The following MYO1H variants were observed in gnomAD, a reference collection of about 807,000 sequenced individuals.
The protein encoded by MYO1H is unconventional myosin-Ih.
Under a neutral mutation model 149.3 loss-of-function variants are expected in MYO1H, and 118 were observed. The observed-to-expected ratio is 0.79, with a 90% CI of 0.68 to 0.92. The LOEUF (loss-of-function observed/expected upper bound fraction) is 0.92. Among genes scored for constraint, MYO1H ranks in the 40% least tolerant of loss-of-function variants. The pLI, the probability that MYO1H is intolerant of heterozygous loss-of-function variation, is 0.00. For synonymous variants in MYO1H, 447 were observed against 465.2 expected, an observed-to-expected ratio of 0.96 and a Z score of 0.50; for missense variants, 1,212 against 1,280.7, an observed-to-expected ratio of 0.95 and a Z score of 0.82.
intron 2 of MYO1H, among the ~76,000 whole-genome samples, chr12:109,389,448 A>G (rs1373041578): frequency 6.6e-6 from 1 of 152,152 alleles, no homozygotes; most frequent in Non-Finnish European, 1.5e-5. Flanking sequence ...CGGTATAGGC[A>G]GAGAGCTGGG....
At chr12:109,345,812 T>G (rs577691915), upstream of MYO1H, among the ~76,000 whole-genome samples, 1 of 152,268 alleles carries the variant, frequency 6.6e-6, no homozygotes, top group Non-Finnish European at 1.5e-5. Context: ...TGGATGAAAC[T>G]TGAAGACACA....
chr12:109,355,595 T>G (rs1054214377), intron 1 of MYO1H, among the ~76,000 whole-genome samples: 2 of 152,210 alleles, frequency 1.3e-5, no homozygotes, highest in East Asian at 3.8e-4. Context: ...ACCAGGATGC[T>G]AAAGTTTGCA....
At position 109,418,790 on chromosome 12, in the gene MYO1H, C is replaced by T. The variant is rs570401161; in HGVS notation, c.1598-2191C>T. 2.4e-4 allele frequency among the ~76,000 whole-genome samples: 36 copies of T among 152,248 alleles called. No individual in the cohort carries two copies. In the South Asian group the frequency reaches 7.5e-3, roughly 32 times the overall value. On this transcript the variant is annotated intron_variant, in intron 15 of 31. Transcript: ENST00000310903. The stretch of plus-strand genomic sequence containing the variant: ...CGATCTCCTGACCTCGTGATCCACC[C>T]GCCTCAGCCTCTCAAAGTGCTGGGA...
chr12:109,375,391 G>A (rs572203591), intron 1 of MYO1H, among the ~76,000 whole-genome samples: 2 of 152,130 alleles, frequency 1.3e-5, no homozygotes, highest in South Asian at 2.1e-4. Context: ...GGCCTCAAGC[G>A]ATCTGCCCAC....
At chr12:109,387,536 T>C (rs1371222679) in intron 1 of MYO1H, among the ~76,000 whole-genome samples, 2 of 152,224 alleles carry the variant, frequency 1.3e-5, no homozygotes, top group Non-Finnish European at 2.9e-5. Flanking sequence ...GTGAACACAA[T>C]GTCATTTTTG....
chr12:109,334,005 ATTAT>A, the MYO1H span, among the ~76,000 whole-genome samples: 2 of 151,290 alleles, frequency 1.3e-5, no homozygotes, highest in South Asian at 4.2e-4. Flanking sequence ...TTATGTACTC[ATTAT>A]TTACTTATTT....
upstream of MYO1H, among the ~76,000 whole-genome samples, chr12:109,344,031 G>A (rs1015912309): frequency 3.9e-5 from 6 of 152,094 alleles, no homozygotes; most frequent in Non-Finnish European, 7.4e-5. Flanking sequence ...TCCTTGTTAA[G>A]GATGACCTTG....
At chr12:109,429,346 G>A (rs946512826) in intron 19 of MYO1H, among the ~76,000 whole-genome samples, 3 of 152,114 alleles carry the variant, frequency 2.0e-5, no homozygotes, top group East Asian at 1.9e-4. Flanking sequence ...TAACAAAGAC[G>A]TAAAGTTGGC....
chr12:109,345,120 TAA>T (rs1417153278), upstream of MYO1H, among the ~76,000 whole-genome samples: 1 of 152,186 alleles, frequency 6.6e-6, no homozygotes, highest in African/African-American at 2.4e-5. Flanking sequence ...CATCAAAGTT[TAA>T]GTCTTTTGTG....
intron 15 of MYO1H, among the ~76,000 whole-genome samples, chr12:109,418,112 G>A (rs1047947121): frequency 2.6e-5 from 4 of 151,630 alleles, no homozygotes; most frequent in South Asian, 2.1e-4. Context: ...CACCGCGCCC[G>A]GCCTAAGATT....
chr12:109,327,134 CTT>C, the MYO1H span, among the ~76,000 whole-genome samples: 4 of 94,738 alleles, frequency 4.2e-5, no homozygotes, highest in East Asian at 3.4e-4. Flanking sequence ...TTTTCTTTTT[CTT>C]TTTTTTTTTT....
upstream of MYO1H, chr12:109,347,775 A>T: frequency 2.6e-6 from 1 of 391,708 alleles, no homozygotes; most frequent in East Asian, 3.6e-5. Flanking sequence ...CTACATGTAG[A>T]CGGCCATAAG....
At chr12:109,441,014 A>G (rs1266257893) in intron 25 of MYO1H, among the ~76,000 whole-genome samples, 187 bp downstream of exon 25, 17 of 152,202 alleles carry the variant, frequency 1.1e-4, no homozygotes, top group Admixed American at 1.1e-3. Context: ...CTGTTACTGT[A>G]ATCAGCATGG....
At chr12:109,438,495 G>A (rs746728661) in intron 22 of MYO1H, 41 bp from the exon 23 acceptor site, 55 of 1,507,092 alleles carry the variant, frequency 3.6e-5, no homozygotes, top group South Asian at 1.5e-4. Context: ...ATTTCCATAC[G>A]ATTGTGCTCA....
At position 109,444,459 on chromosome 12, in the gene MYO1H, G is replaced by C. The variant is rs374677173; in HGVS notation, c.2923G>C (p.Val975Leu). ...GGATGCCGTTTTGCAGTGTGGACAC[G>C]TGTTTGAAGCAGTTACTAAACTCGT... is the stretch of plus-strand genomic sequence containing the variant. The change falls in exon 30 of 32, where the codon GTG (valine) becomes CTG (leucine). Residue 975 changes from valine (V) to leucine (L), a missense_variant. Physicochemically the swap from Val to Leu is conservative, Grantham distance 32. Transcript: ENST00000310903. The C allele has an allele frequency of 1.4e-5, 23 of 1,613,794 alleles. No individual in the cohort carries two copies. In the South Asian group the frequency reaches 1.8e-4, roughly 12 times the overall value.
chr12:109,348,959 C>A (rs1410495259), intron 1 of MYO1H, among the ~76,000 whole-genome samples: 2 of 152,232 alleles, frequency 1.3e-5, no homozygotes, highest in Admixed American at 1.3e-4. Flanking sequence ...GCACTGAATA[C>A]TGTCACCTTG....
chr12:109,434,968 G>T, intron 20 of MYO1H, 69 bp from the exon 21 acceptor site: 1 of 876,404 alleles, frequency 1.1e-6, no homozygotes, highest in East Asian at 2.5e-5. Context: ...TTTTTGAAGG[G>T]GGCACCGTTC....
chr12:109,433,191 G>A (rs1871714561), intron 20 of MYO1H, among the ~76,000 whole-genome samples, 181 bp downstream of exon 20: 2 of 152,178 alleles, frequency 1.3e-5, no homozygotes, highest in Admixed American at 6.5e-5. Context: ...GAGCTATGGT[G>A]CTGCCGGTGG....
chr12:109,326,272 C>T, the MYO1H span, among the ~76,000 whole-genome samples: 1 of 152,238 alleles, frequency 6.6e-6, no homozygotes, highest in Admixed American at 6.5e-5. Flanking sequence ...TCACTTCCTG[C>T]TGCATCCTCT....
Sources: allele counts gnomAD v4.1 joint callset (sites outside exome capture counted in the v4.1 genomes callset), GRCh38; gene constraint gnomAD v4.1.1; transcripts MANE v1.5; gene names NCBI Gene and HGNC (gene_info 2026-07-23, HGNC 2026-07-21).